MPP7: variants seen among roughly 807,000 people sequenced by gnomAD.
MPP7 encodes MAGUK p55 scaffold protein 7, also known as MAGUK p55 subfamily member 7.
In MPP7, 60 loss-of-function variants were observed where a neutral mutation model predicts 76.5. That is an observed-to-expected ratio of 0.78 (90% confidence interval 0.64 to 0.97). The LOEUF is 0.97. Among genes scored for constraint, MPP7 ranks in the 50% least tolerant of loss-of-function variants. The pLI is 0.00. For missense variants in MPP7, 641 were observed against 694.0 expected, an observed-to-expected ratio of 0.92 and a Z score of 0.86; for synonymous variants, 237 against 244.5, an observed-to-expected ratio of 0.97 and a Z score of 0.29.
chr10:28,300,092 T>C (rs900448954), intron 1 of MPP7, among the ~76,000 whole-genome samples: 2 of 152,198 alleles, frequency 1.3e-5, no homozygotes, highest in Non-Finnish European at 2.9e-5. Context: ...AGTCATTCAT[T>C]ACAATTTTGT....
In MPP7 at chr10:28,202,217, C is replaced by T. The variant is rs1588917961; in HGVS notation, c.92G>A (p.Ser31Asn). The stretch of plus-strand genomic sequence containing the variant: ...CCAGAGGAAGGTCAGGTCTTCCTGG[C>T]TATCCACATGTGGCTGCAGCTGGGC... The part of the protein sequence containing the change: ...LPAQLQPHVD[S>N]QEDLTFLWDM... Residue 31 changes from serine to asparagine, a missense_variant, in exon 3 of 17, where the codon AGC (serine) becomes AAC (asparagine). Physicochemically the swap from Ser to Asn is conservative, Grantham distance 46. Coordinates refer to ENST00000683449, the MANE Select transcript of MPP7 (RefSeq NM_001318170.2). The T allele has an allele frequency of 6.2e-7, 1 of 1,613,848 alleles. No homozygotes were observed. Among genetic ancestry groups the T allele is most frequent in the African/African-American group, 1.3e-5 (1 of 75,026 alleles).
At position 28,143,867 on chromosome 10, in the gene MPP7, G is replaced by A. The variant is rs1191824599; in HGVS notation, c.315+3616C>T. On this transcript the variant is annotated intron_variant, in intron 5 of 16. Coordinates refer to ENST00000683449, the MANE Select transcript of MPP7 (RefSeq NM_001318170.2). ...CCTCAATCGTGTGCTGTGTGTGTGT[G>A]TGTGTGTGTGTGTGTGTGTGTGTGT... Among the ~76,000 whole-genome samples the A allele has an allele frequency of 3.3e-4, 42 of 128,410 alleles. 1 individual carries two copies. Among genetic ancestry groups the A allele is most frequent in the African/African-American group, 1.2e-3 (37 of 30,866 alleles). 84.2% of individuals were successfully genotyped at this position (128,410 alleles called of 152,430 possible). A position where few individuals can be genotyped will look rare whatever the true frequency, so the allele number is the denominator to read the frequency against.
At chr10:28,146,465 G>A (rs1201404138) in intron 5 of MPP7, among the ~76,000 whole-genome samples, 1 of 147,778 alleles carries the variant, frequency 6.8e-6, no homozygotes, top group South Asian at 2.1e-4. Flanking sequence ...GCAGTGGCAC[G>A]ATCTCAGCTC....
At chr10:28,295,810 T>A (rs1841024707) in intron 1 of MPP7, among the ~76,000 whole-genome samples, 2 of 152,244 alleles carry the variant, frequency 1.3e-5, no homozygotes, top group Admixed American at 6.5e-5. Context: ...CGGGAGACTT[T>A]TCTCCCCAAC....
At chr10:28,315,160 AAGAGAG>A (rs1203207907) in intron 2 of MPP7, among the ~76,000 whole-genome samples, 2 of 150,006 alleles carry the variant, frequency 1.3e-5, no homozygotes, top group Non-Finnish European at 3.0e-5. Context: ...GAAAGACAGA[AAGAGAG>A]AGAGAGAAAA....
intron 11 of MPP7, among the ~76,000 whole-genome samples, chr10:28,119,350 T>C (rs1462157203): frequency 1.2e-4 from 18 of 152,142 alleles, no homozygotes; most frequent in Non-Finnish European, 1.2e-4. Context: ...GGAAGAGCTG[T>C]ATTTTAGGTG....
At chr10:28,083,107 C>G (rs1852839341) in intron 12 of MPP7, among the ~76,000 whole-genome samples, 1 of 152,160 alleles carries the variant, frequency 6.6e-6, no homozygotes, top group South Asian at 2.1e-4. Context: ...AGGCAGCCAT[C>G]TTGTCCCAGA....
At chr10:28,110,023 T>C (rs1424621879) in intron 11 of MPP7, among the ~76,000 whole-genome samples, 1 of 151,840 alleles carries the variant, frequency 6.6e-6, no homozygotes, top group Admixed American at 6.6e-5. Context: ...TCTTCAGTGG[T>C]TTCTTGATGC....
At chr10:28,165,283 G>A (rs1836410810) in intron 3 of MPP7, among the ~76,000 whole-genome samples, 1 of 152,134 alleles carries the variant, frequency 6.6e-6, no homozygotes, top group Admixed American at 6.5e-5. Flanking sequence ...CCCAGAGCTT[G>A]GGAAGTCAAG....
intron 11 of MPP7, among the ~76,000 whole-genome samples, chr10:28,098,078 A>G (rs1032975673): frequency 2.6e-5 from 4 of 152,164 alleles, no homozygotes; most frequent in Admixed American, 6.5e-5. Context: ...TAAATTAAGA[A>G]TCATTTGTTA....
chr10:28,237,016 C>A (rs992088620), intron 2 of MPP7: 2 of 152,156 alleles, frequency 1.3e-5, no homozygotes, highest in African/African-American at 2.4e-5. Flanking sequence ...TGCACTGCAG[C>A]GAGCTGGCTG....
intron 5 of MPP7, among the ~76,000 whole-genome samples, chr10:28,138,189 G>A (rs1033783866): frequency 6.6e-6 from 1 of 152,194 alleles, no homozygotes; most frequent in African/African-American, 2.4e-5. Context: ...TCACTTCACT[G>A]TTTTATCAAA....
At chr10:28,106,744 G>A (rs890743168) in intron 11 of MPP7, among the ~76,000 whole-genome samples, 1 of 152,098 alleles carries the variant, frequency 6.6e-6, no homozygotes, top group Admixed American at 6.6e-5. Flanking sequence ...TTCCTCTGCT[G>A]TCAACTCTGT....
intron 1 of MPP7, among the ~76,000 whole-genome samples, chr10:28,269,018 G>C (rs1052518752): frequency 1.3e-5 from 2 of 152,154 alleles, no homozygotes; most frequent in African/African-American, 4.8e-5. Flanking sequence ...AAATCCACCT[G>C]TAATTACATA....
intron 12 of MPP7, among the ~76,000 whole-genome samples, chr10:28,086,514 A>G (rs1179099328): frequency 6.6e-6 from 1 of 152,200 alleles, no homozygotes; most frequent in Non-Finnish European, 1.5e-5. Flanking sequence ...CAGGACAATT[A>G]GCATTCAGAC....
intron 2 of MPP7, among the ~76,000 whole-genome samples, chr10:28,223,222 C>T (rs1362899469): frequency 6.6e-6 from 1 of 152,092 alleles, no homozygotes; most frequent in Non-Finnish European, 1.5e-5. Flanking sequence ...TTAAGAGTCA[C>T]TTGTTATAGC....
At chr10:28,063,362 TGAGGTGGGAGAATCACTTGAACCCAG>T (rs1851868803) in intron 13 of MPP7, among the ~76,000 whole-genome samples, 1 of 151,200 alleles carries the variant, frequency 6.6e-6, no homozygotes, top group African/African-American at 2.4e-5. Flanking sequence ...CTCGGGAGGC[TGAGGTGGGAGAATCACTTGAACCCAG>T]GAGGTGGAGG....
At chr10:28,322,121 C>T (rs1322033714) in intron 2 of MPP7, among the ~76,000 whole-genome samples, 1 of 151,952 alleles carries the variant, frequency 6.6e-6, no homozygotes. Context: ...AGGTGACAAA[C>T]GTTCCATTTA....
intron 11 of MPP7, among the ~76,000 whole-genome samples, chr10:28,114,526 A>G (rs1834601888): frequency 6.6e-6 from 1 of 152,180 alleles, no homozygotes; most frequent in Admixed American, 6.5e-5. Flanking sequence ...ACTGGGCAGT[A>G]GTAAACGTCC....
Sources: allele counts gnomAD v4.1 joint callset (sites outside exome capture counted in the v4.1 genomes callset), GRCh38; gene constraint gnomAD v4.1.1; transcripts MANE v1.5; gene names NCBI Gene and HGNC (gene_info 2026-07-23, HGNC 2026-07-21).